NFYB: variants seen among roughly 807,000 people sequenced by gnomAD.
NFYB encodes the protein nuclear transcription factor Y subunit beta.
NFYB carries 13 observed loss-of-function variants against 28.0 expected under a neutral mutation model. That is an observed-to-expected ratio of 0.46 (90% CI 0.30 to 0.74). The LOEUF (loss-of-function observed/expected upper bound fraction) is 0.74, where lower values mean the gene tolerates loss of function less well. NFYB is among the 30% of genes least tolerant of loss of function. NFYB has a pLI of 0.07. For synonymous variants in NFYB, 74 were observed against 75.0 expected, an observed-to-expected ratio of 0.99 and a Z score of 0.07; for missense variants, 142 against 247.6, an observed-to-expected ratio of 0.57 and a Z score of 2.86.
intron 5 of NFYB, 40 bp downstream of exon 5, chr12:104,123,186 A>AG: frequency 1.3e-6 from 2 of 1,496,646 alleles, no homozygotes; most frequent in Non-Finnish European, 1.8e-6. Flanking sequence ...AAAAAAAAAA[A>AG]GAAGAAAAAA....
At chr12:104,120,367 T>A (rs775690921) in intron 7 of NFYB, 33 bp downstream of exon 7, 51 of 1,576,742 alleles carry the variant, frequency 3.2e-5, no homozygotes, top group Non-Finnish European at 4.2e-5. Flanking sequence ...TACAATCAAA[T>A]TTTTTAAGCA....
At chr12:104,133,250 T>G (rs936193544) in intron 2 of NFYB, among the ~76,000 whole-genome samples, 32 of 152,222 alleles carry the variant, frequency 2.1e-4, no homozygotes, top group African/African-American at 7.7e-4. Flanking sequence ...ACACAGTAAA[T>G]GGGACTGAAA....
At chr12:104,120,562 T>C in intron 6 of NFYB, 83 bp from the exon 7 acceptor site, 1 of 916,458 alleles carries the variant, frequency 1.1e-6, no homozygotes, top group African/African-American at 1.6e-5. Context: ...ACCATTAATG[T>C]CTCATTACAA....
chr12:104,135,519 T>G lies in NFYB; in HGVS notation c.-66A>C. ...CACCTATCTAAAAAGGTGTCTAATC[T>G]TTGTGATTTCAACCTAAAAGATAAA... On this transcript the variant is annotated 5_prime_UTR_variant, in exon 2 of 8. Coordinates refer to ENST00000240055, the MANE Select transcript of NFYB (RefSeq NM_006166.4). The G allele has an allele frequency of 6.9e-7, 1 of 1,444,854 alleles. No individual in the cohort carries two copies. The highest frequency in any genetic ancestry group is 1.4e-5 in the South Asian group (1 of 72,432). 89.5% of individuals were successfully genotyped at this position (1,444,854 alleles called of 1,614,324 possible).
At chr12:104,136,008 A>G (rs1405607317) in intron 1 of NFYB, among the ~76,000 whole-genome samples, 1 of 152,224 alleles carries the variant, frequency 6.6e-6, no homozygotes, top group Non-Finnish European at 1.5e-5. Flanking sequence ...GCTCAAGAGG[A>G]GGAAAAAATT....
chr12:104,121,848 T>C (rs1455774674), intron 5 of NFYB, among the ~76,000 whole-genome samples: 1 of 152,216 alleles, frequency 6.6e-6, no homozygotes, highest in East Asian at 1.9e-4. Context: ...AATTATTCCA[T>C]GCAAATATCA....
At chr12:104,125,080 A>G (rs1420035089) in intron 4 of NFYB, among the ~76,000 whole-genome samples, 1 of 151,648 alleles carries the variant, frequency 6.6e-6, no homozygotes, top group Non-Finnish European at 1.5e-5. Context: ...ACTACTTAAG[A>G]AAAAAAAATA....
chr12:104,132,196 T>C (rs899154654), intron 2 of NFYB, among the ~76,000 whole-genome samples: 1 of 152,148 alleles, frequency 6.6e-6, no homozygotes, highest in South Asian at 2.1e-4. Flanking sequence ...AGAAAGGCTA[T>C]CTTAGGAAAT....
intron 2 of NFYB, among the ~76,000 whole-genome samples, chr12:104,134,891 G>A (rs2031048429): frequency 6.6e-6 from 1 of 152,176 alleles, no homozygotes; most frequent in South Asian, 2.1e-4. Flanking sequence ...AATATCCAGA[G>A]GGGACAAGTG....
chr12:104,126,413 CT>C (rs887288241), intron 3 of NFYB, among the ~76,000 whole-genome samples, 169 bp from the exon 4 acceptor site: 6 of 151,454 alleles, frequency 4.0e-5, no homozygotes, highest in East Asian at 1.9e-4. Context: ...CAGAACTGAA[CT>C]TTTTTTTTAT....
At chr12:104,128,393 G>T in intron 3 of NFYB, 31 bp downstream of exon 3, 1 of 1,520,412 alleles carries the variant, frequency 6.6e-7, no homozygotes, top group South Asian at 1.2e-5. Context: ...GCTTCAACTT[G>T]AGAATTTGGT....
At chr12:104,131,878 A>G (rs959559369) in intron 2 of NFYB, 2 of 429,568 alleles carry the variant, frequency 4.7e-6, no homozygotes, top group Non-Finnish European at 9.3e-6. Context: ...AGAGCCTATT[A>G]GTCCTTCCAG....
At position 104,126,196 on chromosome 12, in the gene NFYB, T is replaced by C. The variant is rs766121950; in HGVS notation, c.149A>G (p.Glu50Gly). ...NDHEDTNGSK[E>G]SFREQDIYLP... ...ATATATATCTTGTTCTCTGAAACTT[T>C]CTTTTGAACCATTTGTGTCTTCATG... Residue 50 changes from glutamate to glycine, a missense_variant, in exon 4 of 8, where the codon GAA (glutamate) becomes GGA (glycine). Physicochemically the swap from Glu to Gly is moderately conservative, Grantham distance 98 (BLOSUM62 -2). Coordinates refer to ENST00000240055, the MANE Select transcript of NFYB (RefSeq NM_006166.4). 7 of 1,605,050 alleles carry C rather than the reference T, an allele frequency of 4.4e-6. No homozygotes were observed. In the South Asian group the frequency reaches 5.6e-5, roughly 13 times the overall value.
chr12:104,120,393 A>G lies in NFYB; in HGVS notation c.591+7T>C. The G allele has an allele frequency of 6.2e-7, 1 of 1,608,632 alleles. No homozygotes were observed. Among genetic ancestry groups the G allele is most frequent in the African/African-American group, 1.3e-5 (1 of 74,916 alleles). ...TTTTTAAGCATTTAAAATACAAAGG[A>G]CTGTACCTGTTGATATGATGTTGTG... On this transcript the variant is annotated splice_region_variant and intron_variant, in intron 7 of 7. Transcript: ENST00000240055.
At chr12:104,124,303 A>C (rs1244387633) in intron 4 of NFYB, among the ~76,000 whole-genome samples, 1 of 152,234 alleles carries the variant, frequency 6.6e-6, no homozygotes, top group South Asian at 2.1e-4. Context: ...CTGCCTAAAG[A>C]AGCACACATC....
intron 1 of NFYB, 25 bp from the exon 2 acceptor site, chr12:104,135,557 C>T: frequency 1.0e-6 from 1 of 975,884 alleles, no homozygotes; most frequent in Non-Finnish European, 1.5e-6. Context: ...TCTATTAGGA[C>T]CTAACATCTA....
intron 1 of NFYB, among the ~76,000 whole-genome samples, chr12:104,136,003 AGAG>A (rs1444271440): frequency 2.6e-5 from 4 of 152,192 alleles, no homozygotes; most frequent in Admixed American, 1.3e-4. Flanking sequence ...CTATAGCTCA[AGAG>A]GAGGAAAAAA....
Position 104,123,358 on chromosome 12 carries a change from A to G in NFYB, c.297T>C (p.Ser99=). 6.2e-7 allele frequency: 1 copy of G among 1,614,114 alleles called. No homozygotes were observed. Among genetic ancestry groups the G allele is most frequent in the Middle Eastern group, 1.7e-4 (1 of 6,058 alleles). The change falls in exon 5 of 8, where the codon TCT becomes TCC. Residue 99 remains serine (S), a synonymous_variant. Transcript: ENST00000240055. Reference sequence around the variant, plus strand: ...CTTGATGGCACCTTTCACTTGCTTCAGATGTTATAAAACTGATGAACTCAC... The same window carrying G: ...CTTGATGGCACCTTTCACTTGCTTCGGATGTTATAAAACTGATGAACTCAC... ...CVSEFISFIT[S]EASERCHQEK...
At chr12:104,134,118 C>A (rs2031021364) in intron 2 of NFYB, among the ~76,000 whole-genome samples, 1 of 152,176 alleles carries the variant, frequency 6.6e-6, no homozygotes, top group Admixed American at 6.5e-5. Flanking sequence ...ATTTCCAAAG[C>A]AATATCCTTT....
Sources: gnomAD v4.1 joint callset for allele counts (sites outside exome capture counted in the v4.1 genomes callset) on GRCh38, gnomAD v4.1.1 for gene constraint, MANE v1.5 for transcripts, NCBI Gene and HGNC (gene_info 2026-07-23, HGNC 2026-07-21) for gene names.